The following DIP2B variants were observed in gnomAD, a reference collection of about 807,000 sequenced individuals.
The protein encoded by DIP2B is DIP2 acetate--CoA ligase B (putative).
In DIP2B, 76 loss-of-function variants were observed where a neutral mutation model predicts 198.0. The ratio of observed to expected loss-of-function variants is 0.38; its 90% CI spans 0.32 to 0.46. The LOEUF (loss-of-function observed/expected upper bound fraction) is 0.46, where lower values mean the gene tolerates loss of function less well. DIP2B is among the 20% of genes least tolerant of loss of function. The probability of loss-of-function intolerance (pLI) is 0.99; values close to 1 mark genes in which losing one functional copy is unlikely to be tolerated. For missense variants in DIP2B, 1,559 were observed against 1,978.4 expected (o/e 0.79, Z 4.02); for synonymous variants, 701 against 739.1 (o/e 0.95, Z 0.84).
chr12:50,505,335 C>G, intron 1 of DIP2B, 95 bp downstream of exon 1: 1 of 952,722 alleles, frequency 1.0e-6, no homozygotes, highest in Non-Finnish European at 1.5e-6. Flanking sequence ...GGCCGTGCGG[C>G]GAGGGGGACG....
intron 5 of DIP2B, 144 bp downstream of exon 5, chr12:50,671,542 G>C: frequency 1.3e-6 from 1 of 781,986 alleles, no homozygotes; most frequent in East Asian, 2.7e-5. Flanking sequence ...ATGAGGAAAA[G>C]ATGGAAACAC....
intron 23 of DIP2B, among the ~76,000 whole-genome samples, chr12:50,716,521 CTG>C (rs1939719642): frequency 6.6e-6 from 1 of 151,892 alleles, no homozygotes; most frequent in Admixed American, 6.6e-5. Context: ...GAGCGAGACT[CTG>C]TCTCAAAAAA....
intron 1 of DIP2B, among the ~76,000 whole-genome samples, chr12:50,522,044 A>G (rs1267315477): frequency 1.3e-5 from 2 of 151,984 alleles, no homozygotes; most frequent in African/African-American, 4.8e-5. Context: ...TCTGTCACCC[A>G]GACTGGAGTG....
chr12:50,571,174 T>C (rs1593618098), intron 1 of DIP2B, among the ~76,000 whole-genome samples: 1 of 149,112 alleles, frequency 6.7e-6, no homozygotes, highest in East Asian at 1.9e-4. Context: ...CAGCCTCTTT[T>C]TTTTTTTTTT....
chr12:50,732,517 A>G lies in DIP2B; in HGVS notation c.3962A>G (p.Asn1321Ser), dbSNP rs754873670. The change falls in exon 32 of 38, where the codon AAT becomes AGT. Residue 1321 changes from asparagine (N) to serine (S), a missense_variant. Coordinates refer to ENST00000301180, the MANE Select transcript of DIP2B (RefSeq NM_173602.3). ...AVSTTFGSRV[N>S]VAICLQGTSG... is the part of the protein sequence containing the mutation. ...AGCACCACTTTTGGATCAAGAGTCA[A>G]TGTAGCAATATGTTTACAGGTGACC... is the stretch of plus-strand genomic sequence containing the variant. The G allele has an allele frequency of 4.3e-6, 7 of 1,614,074 alleles. No individual in the cohort carries two copies. The highest frequency in any genetic ancestry group is 3.3e-5 in the South Asian group (3 of 91,084).
chr12:50,723,584 A>G (rs188556566), intron 27 of DIP2B, among the ~76,000 whole-genome samples: 1 of 152,136 alleles, frequency 6.6e-6, no homozygotes, highest in Non-Finnish European at 1.5e-5. Flanking sequence ...TAGTATTTCT[A>G]CAACAAAAAC....
chr12:50,563,993 T>C (rs1189502925), intron 1 of DIP2B, among the ~76,000 whole-genome samples: 2 of 152,178 alleles, frequency 1.3e-5, no homozygotes, highest in Non-Finnish European at 2.9e-5. Flanking sequence ...TTCAGATTAA[T>C]TAATTTCTTT....
rs1408213596 is a variant in DIP2B, at chr12:50,713,476, TCAAA to T, written c.2650-916_2650-913del. 2.0e-5 allele frequency among the ~76,000 whole-genome samples: 3 copies of T among 152,236 alleles called. No homozygotes were observed. The East Asian group carries it at 5.8e-4, about 29-fold the overall frequency. On this transcript the variant is annotated intron_variant, in intron 22 of 37. Transcript: ENST00000301180. The stretch of plus-strand genomic sequence containing the variant: ...TATGTGAAAACAACAAGAACAGCTG[TCAAA>T]CAGTGTAGGAACACAGCTGACTTTA...
At chr12:50,552,427 C>T (rs542863774) in intron 1 of DIP2B, among the ~76,000 whole-genome samples, 13 of 152,014 alleles carry the variant, frequency 8.6e-5, no homozygotes, top group Admixed American at 1.3e-4. Flanking sequence ...CCACCACGCC[C>T]GGCTAATTTT....
chr12:50,734,938 G>A, intron 33 of DIP2B, 135 bp from the exon 34 acceptor site: 1 of 1,063,120 alleles, frequency 9.4e-7, no homozygotes, highest in African/African-American at 1.6e-5. Context: ...TAGTAGTGCT[G>A]AGTTTGAGAA....
chr12:50,624,917 A>G (rs1372988674), intron 1 of DIP2B, among the ~76,000 whole-genome samples: 1 of 152,190 alleles, frequency 6.6e-6, no homozygotes, highest in Non-Finnish European at 1.5e-5. Flanking sequence ...TTGGAGGCTG[A>G]GGCCAACAGC....
At chr12:50,615,969 T>C (rs1389370299) in intron 1 of DIP2B, among the ~76,000 whole-genome samples, 1 of 152,260 alleles carries the variant, frequency 6.6e-6, no homozygotes, top group Non-Finnish European at 1.5e-5. Context: ...ATGGTTTTTC[T>C]AAGTGGACAA....
At chr12:50,509,428 T>A in intron 1 of DIP2B, among the ~76,000 whole-genome samples, 1 of 152,184 alleles carries the variant, frequency 6.6e-6, no homozygotes, top group East Asian at 1.9e-4. Context: ...AGTCCAAAGA[T>A]GACAACTGGA....
chr12:50,679,220 T>C (rs1325253069), intron 8 of DIP2B: 2 of 220,834 alleles, frequency 9.1e-6, no homozygotes, highest in Non-Finnish European at 1.8e-5. Context: ...GATTACTTGT[T>C]AAATCTTTAT....
At chr12:50,717,866 G>A (rs1939759480) in intron 23 of DIP2B, among the ~76,000 whole-genome samples, 1 of 150,198 alleles carries the variant, frequency 6.7e-6, no homozygotes, top group African/African-American at 2.4e-5. Flanking sequence ...GTGATTACAG[G>A]CATGAGCCAC....
chr12:50,713,244 G>A (rs916950733), intron 22 of DIP2B, among the ~76,000 whole-genome samples: 2 of 152,000 alleles, frequency 1.3e-5, no homozygotes, highest in Admixed American at 6.6e-5. Flanking sequence ...CACCATACCC[G>A]GCCTGGTTTT....
intron 1 of DIP2B, among the ~76,000 whole-genome samples, chr12:50,585,131 G>A (rs1177164096): frequency 6.6e-6 from 1 of 152,198 alleles, no homozygotes; most frequent in Non-Finnish European, 1.5e-5. Flanking sequence ...CAGATTAAAT[G>A]ACACTTCTTC....
At chr12:50,505,299 G>C in intron 1 of DIP2B, 59 bp downstream of exon 1, 1 of 1,353,882 alleles carries the variant, frequency 7.4e-7, no homozygotes, top group Non-Finnish European at 9.6e-7. Flanking sequence ...CGACTTGGGA[G>C]ACAGGTCCCC....
chr12:50,643,646 A>G (rs895266173), intron 3 of DIP2B, among the ~76,000 whole-genome samples: 4 of 152,156 alleles, frequency 2.6e-5, no homozygotes, highest in African/African-American at 9.7e-5. Context: ...GCTCAACTAA[A>G]TAACGAAAGA....
Sources: gnomAD v4.1 joint callset for allele counts (sites outside exome capture counted in the v4.1 genomes callset) on GRCh38, gnomAD v4.1.1 for gene constraint, MANE v1.5 for transcripts, NCBI Gene and HGNC (gene_info 2026-07-23, HGNC 2026-07-21) for gene names.